SASS6: variants seen among roughly 807,000 people sequenced by gnomAD.
The protein encoded by SASS6 is SAS-6 centriolar assembly protein, also known as spindle assembly abnormal protein 6 homolog.
SASS6 carries 59 observed loss-of-function variants against 94.9 expected under a neutral mutation model. That is an observed-to-expected ratio of 0.62 (90% CI 0.50 to 0.77). The LOEUF (loss-of-function observed/expected upper bound fraction) is 0.77, where lower values mean the gene tolerates loss of function less well. Among genes scored for constraint, SASS6 ranks in the 30% least tolerant of loss-of-function variants. The pLI is 0.00. For synonymous variants in SASS6, 264 were observed against 270.0 expected (o/e 0.98, Z 0.22); for missense variants, 698 against 734.1 (o/e 0.95, Z 0.57).
At chr1:100,090,693 A>G (rs1039597904) in intron 14 of SASS6, among the ~76,000 whole-genome samples, 1 of 152,120 alleles carries the variant, frequency 6.6e-6, no homozygotes, top group Non-Finnish European at 1.5e-5. Context: ...TTGCTGCTTG[A>G]TAACAGATGG....
intron 13 of SASS6, among the ~76,000 whole-genome samples, chr1:100,105,171 A>C (rs1652797079): frequency 6.6e-6 from 1 of 152,084 alleles, no homozygotes; most frequent in East Asian, 1.9e-4. Flanking sequence ...CAAGTTTTTC[A>C]GTATATTTGG....
chr1:100,094,151 A>G (rs1651954500), intron 14 of SASS6, among the ~76,000 whole-genome samples: 1 of 152,230 alleles, frequency 6.6e-6, no homozygotes, highest in Non-Finnish European at 1.5e-5. Flanking sequence ...GTCTATAGAC[A>G]TTAAAAATAA....
intron 3 of SASS6, among the ~76,000 whole-genome samples, chr1:100,122,758 G>A (rs892298592): frequency 1.3e-5 from 2 of 151,730 alleles, no homozygotes; most frequent in Non-Finnish European, 2.9e-5. Context: ...TCACCATGTT[G>A]GTCAGACTAG....
intron 14 of SASS6, among the ~76,000 whole-genome samples, chr1:100,088,730 A>G (rs1651475620): frequency 6.6e-6 from 1 of 151,968 alleles, no homozygotes; most frequent in South Asian, 2.1e-4. Flanking sequence ...AGTCCCAGAT[A>G]TATGAGAGGT....
intron 14 of SASS6, among the ~76,000 whole-genome samples, chr1:100,096,783 T>C (rs1652135851): frequency 6.6e-6 from 1 of 152,172 alleles, no homozygotes; most frequent in African/African-American, 2.4e-5. Context: ...TGAATAGAGA[T>C]ACTCAACCTC....
intron 7 of SASS6, among the ~76,000 whole-genome samples, chr1:100,115,993 A>C (rs1653776305): frequency 6.6e-6 from 1 of 152,212 alleles, no homozygotes; most frequent in South Asian, 2.1e-4. Context: ...AGAATATAGG[A>C]GAATTTTTTC....
At position 100,122,490 on chromosome 1, in the gene SASS6, C is replaced by T. The variant is rs751620520; in HGVS notation, c.207-6G>A. ...GACCTTGCTGGAATTTTAAACTATA[C>T]AGAAGAAAGGAAAAGAAATTTTTTA... is the stretch of plus-strand genomic sequence containing the variant. On this transcript the variant is annotated splice_polypyrimidine_tract_variant and splice_region_variant and intron_variant, in intron 3 of 16. Transcript: ENST00000287482. The T allele has an allele frequency of 5.5e-6, 7 of 1,261,820 alleles. No homozygotes were observed. The highest frequency in any genetic ancestry group is 4.9e-5 in the East Asian group (2 of 40,898). 78.2% of individuals were successfully genotyped at this position (1,261,820 alleles called of 1,614,324 possible).
intron 14 of SASS6, among the ~76,000 whole-genome samples, chr1:100,089,996 A>G (rs1041114750): frequency 3.5e-4 from 53 of 152,096 alleles, no homozygotes; most frequent in African/African-American, 1.3e-3. Context: ...TTATTGTAAC[A>G]GTCTTATTTT....
chr1:100,113,519 G>A (rs1010585292), intron 7 of SASS6, among the ~76,000 whole-genome samples: 1 of 151,944 alleles, frequency 6.6e-6, no homozygotes, highest in African/African-American at 2.4e-5. Context: ...TACTCAGGAG[G>A]CTGAGGCAGG....
At chr1:100,092,843 T>C (rs569091304) in intron 14 of SASS6, among the ~76,000 whole-genome samples, 2 of 151,960 alleles carry the variant, frequency 1.3e-5, no homozygotes, top group African/African-American at 4.8e-5. Context: ...CCAAAGTGCT[T>C]GGATTACAGG....
intron 1 of SASS6, among the ~76,000 whole-genome samples, chr1:100,130,681 T>G (rs1452641669): frequency 1.0e-5 from 1 of 96,770 alleles, no homozygotes; most frequent in African/African-American, 3.7e-5. Context: ...AGAGCGAGAC[T>G]CTGTCTAGAA....
In SASS6 at chr1:100,110,188, C is replaced by G. The variant is rs997120999; in HGVS notation, c.861+104G>C. The G allele has an allele frequency of 5.1e-6, 3 of 592,102 alleles. No individual in the cohort carries two copies. The Admixed American group carries it at 1.1e-4, about 22-fold the overall frequency. The allele number at this position is 592,102 out of a possible 1,614,324, so 36.7% of individuals were successfully genotyped here. ...TGTCTGAATGGATACCCTAACACCA[C>G]AAGAGCATCCAGAGGAACACCACCC... On this transcript the variant is annotated intron_variant, in intron 8 of 16. Coordinates refer to ENST00000287482, the MANE Select transcript of SASS6 (RefSeq NM_194292.3).
In SASS6 at chr1:100,110,442, T is replaced by G; in HGVS notation, c.711A>C (p.Lys237Asn). ...TTTGTTGATGGAGGATTTCTAAATC[T>G]TTTTTCTGTTGTTCATGCTGCTGTT... Reference protein sequence around the residue: ...QYQQQHEQQKKDLEILHQQNI... With the variant: ...QYQQQHEQQKNDLEILHQQNI... The change falls in exon 8 of 17, where the codon AAA (lysine) becomes AAC (asparagine). Residue 237 changes from lysine to asparagine, a missense_variant. Physicochemically the swap from Lys to Asn is moderately conservative, Grantham distance 94. Coordinates refer to ENST00000287482, the MANE Select transcript of SASS6 (RefSeq NM_194292.3). The G allele has an allele frequency of 6.2e-7, 1 of 1,610,662 alleles. No homozygotes were observed. Among genetic ancestry groups the G allele is most frequent in the East Asian group, 2.2e-5 (1 of 44,730 alleles).
intron 14 of SASS6, among the ~76,000 whole-genome samples, chr1:100,091,630 TA>T (rs57639570): frequency 0.12 from 10,294 of 82,974 alleles, 458 homozygotes; most frequent in African/African-American, 0.18. Context: ...AAAGTCTCAT[TA>T]AAAAAAAAAA....
At chr1:100,125,644 C>G (rs1412378155) in intron 2 of SASS6, among the ~76,000 whole-genome samples, 2 of 143,272 alleles carry the variant, frequency 1.4e-5, no homozygotes, top group African/African-American at 5.3e-5. Context: ...GCACTCCAGC[C>G]TGGTGACAGA....
chr1:100,132,850 C>G lies in SASS6; in HGVS notation c.-36G>C. The G allele has an allele frequency of 1.3e-6, 2 of 1,593,926 alleles. No homozygotes were observed. Among genetic ancestry groups the G allele is most frequent in the African/African-American group, 1.3e-5 (1 of 74,634 alleles). ...TGCCTCGGCTGGTGTGCAGAAAAGC[C>G]CAACAGGCCCGGCCCTCGGGATTAG... On this transcript the variant is annotated 5_prime_UTR_variant, in exon 1 of 17. Coordinates refer to ENST00000287482, the MANE Select transcript of SASS6 (RefSeq NM_194292.3).
intron 7 of SASS6, among the ~76,000 whole-genome samples, chr1:100,113,630 A>G (rs988025514): frequency 2.0e-5 from 3 of 151,946 alleles, no homozygotes; most frequent in African/African-American, 4.8e-5. Flanking sequence ...TCAAAAAAAA[A>G]AAGAAAATCA....
intron 5 of SASS6, among the ~76,000 whole-genome samples, chr1:100,121,049 CAA>C (rs781458509): frequency 6.2e-5 from 3 of 48,278 alleles, no homozygotes; most frequent in Admixed American, 2.2e-4. Flanking sequence ...GACTCCGTCT[CAA>C]AAAAAAAAAA....
At chr1:100,102,820 T>C in intron 14 of SASS6, 135 bp downstream of exon 14, 1 of 637,450 alleles carries the variant, frequency 1.6e-6, no homozygotes, top group South Asian at 2.0e-5. Context: ...TATTCAGTAA[T>C]GTATTTATCT....
Sources: gnomAD v4.1 joint callset for allele counts (sites outside exome capture counted in the v4.1 genomes callset) on GRCh38, gnomAD v4.1.1 for gene constraint, MANE v1.5 for transcripts, NCBI Gene and HGNC (gene_info 2026-07-23, HGNC 2026-07-21) for gene names.